UTY: variants seen among roughly 807,000 people sequenced by gnomAD.
UTY encodes histone demethylase UTY.
UTY carries 12 observed loss-of-function variants against 32.5 expected under a neutral mutation model. That is an observed-to-expected ratio of 0.37 (90% CI 0.24 to 0.60). UTY has a LOEUF of 0.60. Ranked by LOEUF, UTY falls within the 20% of genes least tolerant of loss-of-function variation. The pLI is 0.69. For missense variants in UTY, 303 were observed against 299.2 expected, an observed-to-expected ratio of 1.01 and a Z score of -0.09; for synonymous variants, 131 against 103.4, an observed-to-expected ratio of 1.27 and a Z score of -1.62.
At chrY:13,437,578 C>G (rs2074720105) in intron 4 of UTY, among the ~76,000 whole-genome samples, 1 of 33,847 alleles carries the variant, frequency 3.0e-5, no homozygotes, top group Non-Finnish European at 7.3e-5. Flanking sequence ...GCTCAGTTCC[C>G]TGACACTGAT....
intron 17 of UTY, among the ~76,000 whole-genome samples, chrY:13,350,080 A>G (rs2062233332): frequency 3.0e-5 from 1 of 33,650 alleles, no homozygotes. Flanking sequence ...AGTAACATAG[A>G]TGAACCATCT....
chrY:13,435,642 T>C (rs1011692278), intron 4 of UTY, among the ~76,000 whole-genome samples: 7 of 33,850 alleles, frequency 2.1e-4, no homozygotes, highest in East Asian at 7.7e-4. Context: ...AAAGGTCTCT[T>C]TGTCTTCTTT....
At chrY:13,305,151 T>A in intron 24 of UTY, among the ~76,000 whole-genome samples, 1 of 32,656 alleles carries the variant, frequency 3.1e-5, no homozygotes, top group Non-Finnish European at 7.5e-5. Context: ...TTGTCATTCC[T>A]ACAACTCAGA....
At chrY:13,476,925 C>G (rs763413859) in intron 2 of UTY, among the ~76,000 whole-genome samples, 3 of 32,099 alleles carry the variant, frequency 9.3e-5, no homozygotes, top group African/African-American at 3.6e-4. Context: ...ATATTTATAA[C>G]AATATTTTAA....
At chrY:13,307,758 G>A in intron 21 of UTY, among the ~76,000 whole-genome samples, 2 of 32,724 alleles carry the variant, frequency 6.1e-5, no homozygotes, top group Admixed American at 5.6e-4. Context: ...ATTAAAAAAT[G>A]GGCAAAGGAA....
chrY:13,423,673 T>C, intron 4 of UTY, among the ~76,000 whole-genome samples: 1 of 33,106 alleles, frequency 3.0e-5, no homozygotes, highest in Non-Finnish European at 7.4e-5. Context: ...AATAATGAAA[T>C]TGGAGTTAAT....
intron 27 of UTY, chrY:13,286,705 A>T: frequency 1.4e-5 from 5 of 368,490 alleles, no homozygotes; most frequent in Non-Finnish European, 2.0e-5. Flanking sequence ...GGTCGGCTCT[A>T]CCAAGTAGAA....
intron 9 of UTY, among the ~76,000 whole-genome samples, chrY:13,367,637 A>G: frequency 3.0e-5 from 1 of 33,553 alleles, no homozygotes; most frequent in Admixed American, 2.7e-4. Flanking sequence ...AACTTGAGTA[A>G]AAGTTAGGAT....
chrY:13,236,378 TAA>T (rs2053853296), intron 28 of UTY, among the ~76,000 whole-genome samples: 1 of 31,358 alleles, frequency 3.2e-5, no homozygotes, highest in Non-Finnish European at 7.7e-5. Context: ...AATCAAGATA[TAA>T]GAGAAAATCT....
At chrY:13,358,943 AT>A in intron 13 of UTY, 144 bp downstream of exon 13, 1 of 228,177 alleles carries the variant, frequency 4.4e-6, no homozygotes, top group South Asian at 7.6e-5. Context: ...ACTCTTTAGA[AT>A]TAAAAAATTT....
intron 6 of UTY, among the ~76,000 whole-genome samples, chrY:13,399,072 C>T (rs2068636090): frequency 3.1e-5 from 1 of 32,444 alleles, no homozygotes; most frequent in African/African-American, 1.2e-4. Context: ...GGTTTAACTA[C>T]AGAATAGAAT....
intron 21 of UTY, among the ~76,000 whole-genome samples, chrY:13,310,409 T>A: frequency 3.1e-5 from 1 of 32,544 alleles, no homozygotes; most frequent in African/African-American, 1.2e-4. Flanking sequence ...ACTAGTGGGT[T>A]TTCCTCCTGA....
At chrY:13,367,758 G>T (rs2064344287) in intron 9 of UTY, among the ~76,000 whole-genome samples, 1 of 33,106 alleles carries the variant, frequency 3.0e-5, no homozygotes. Context: ...ATTAATTACT[G>T]GGGAGGGGAC....
At chrY:13,300,594 A>T in intron 25 of UTY, among the ~76,000 whole-genome samples, 2 of 33,208 alleles carry the variant, frequency 6.0e-5, no homozygotes, top group Non-Finnish European at 1.5e-4. Context: ...CAAAAAAAAA[A>T]TTTTGTTTTT....
At chrY:13,361,624 C>G in intron 10 of UTY, among the ~76,000 whole-genome samples, 1 of 33,070 alleles carries the variant, frequency 3.0e-5, no homozygotes, top group Non-Finnish European at 7.5e-5. Context: ...AACACACACA[C>G]AAATCAGGAA....
chrY:13,411,121 A>C lies in UTY; in HGVS notation c.435-8T>G. On this transcript the variant is annotated splice_region_variant and splice_polypyrimidine_tract_variant and intron_variant, in intron 5 of 29. Coordinates refer to ENST00000545955, the MANE Select transcript of UTY (RefSeq NM_001258249.2). Reference sequence around the variant, plus strand: ...TGAAATGCTTTAATTGCCCTGAAAAAAATAAAAACATAAGAAACTGTGATT... The same window carrying C: ...TGAAATGCTTTAATTGCCCTGAAAACAATAAAAACATAAGAAACTGTGATT... The C allele has an allele frequency of 2.6e-6, 1 of 386,939 alleles. No individual in the cohort carries two copies. Among genetic ancestry groups the C allele is most frequent in the Non-Finnish European group, 3.6e-6 (1 of 277,130 alleles).
intron 27 of UTY, among the ~76,000 whole-genome samples, chrY:13,267,603 T>C: frequency 2.9e-5 from 1 of 33,903 alleles, no homozygotes; most frequent in Non-Finnish European, 7.3e-5. Context: ...AGTTTCTTCA[T>C]AGTGTCGATG....
At chrY:13,370,490 T>C in intron 8 of UTY, among the ~76,000 whole-genome samples, 1 of 33,071 alleles carries the variant, frequency 3.0e-5, no homozygotes, top group Non-Finnish European at 7.4e-5. Flanking sequence ...CACATGCAAA[T>C]AGCAAAACTG....
chrY:13,428,569 C>A (rs1027925700), intron 4 of UTY, among the ~76,000 whole-genome samples: 3 of 33,435 alleles, frequency 9.0e-5, no homozygotes, highest in South Asian at 6.6e-4. Context: ...TATATAAATA[C>A]CATGATATTT....
Sources: gnomAD v4.1 joint callset for allele counts (sites outside exome capture counted in the v4.1 genomes callset) on GRCh38, gnomAD v4.1.1 for gene constraint, MANE v1.5 for transcripts, NCBI Gene and HGNC (gene_info 2026-07-23, HGNC 2026-07-21) for gene names.